KCNIP4: variants seen among roughly 807,000 people sequenced by gnomAD.
KCNIP4 encodes the protein Kv channel-interacting protein 4.
KCNIP4 carries 12 observed loss-of-function variants against 34.0 expected under a neutral mutation model. That is an observed-to-expected ratio of 0.35 (90% CI 0.23 to 0.57). KCNIP4 has a LOEUF of 0.57. KCNIP4 is among the 20% of genes least tolerant of loss of function. The probability of loss-of-function intolerance (pLI) is 0.83; values close to 1 mark genes in which losing one functional copy is unlikely to be tolerated. For synonymous variants in KCNIP4, 124 were observed against 102.2 expected (o/e 1.21, Z -1.29); for missense variants, 238 against 311.7 (o/e 0.76, Z 1.78).
chr4:21,459,207 C>T (rs978369635), intron 1 of KCNIP4, among the ~76,000 whole-genome samples: 1 of 151,956 alleles, frequency 6.6e-6, no homozygotes, highest in Non-Finnish European at 1.5e-5. Flanking sequence ...TGGCTTTCAC[C>T]TTTGTACTCA....
chr4:21,341,906 T>G (rs574176859), intron 1 of KCNIP4, among the ~76,000 whole-genome samples: 201 of 152,310 alleles, frequency 1.3e-3, no homozygotes, highest in Non-Finnish European at 1.4e-3. Flanking sequence ...GACTTGTTAC[T>G]TCAAACTGAA....
chr4:21,877,168 C>A (rs556485137), intron 1 of KCNIP4, among the ~76,000 whole-genome samples: 1 of 152,120 alleles, frequency 6.6e-6, no homozygotes, highest in African/African-American at 2.4e-5. Flanking sequence ...GCCTGACCAA[C>A]ATGGTGAAAC....
intron 1 of KCNIP4, among the ~76,000 whole-genome samples, chr4:21,181,290 G>T (rs1177701452): frequency 6.6e-6 from 1 of 152,038 alleles, no homozygotes; most frequent in East Asian, 1.9e-4. Flanking sequence ...TTGATTAAGT[G>T]TCCATGCTTG....
chr4:21,159,382 T>TTAGGTATTCAAATGAAAATTATTTAATTC (rs1577808067), intron 1 of KCNIP4, among the ~76,000 whole-genome samples: 23 of 82,302 alleles, frequency 2.8e-4, no homozygotes, highest in African/African-American at 3.2e-4. Flanking sequence ...ATACTAAAGA[T>TTAGGTATTCAAATGAAAATTATTTAATTC]ATGTTTGAGG....
chr4:21,508,046 T>C (rs1417292060), intron 1 of KCNIP4, among the ~76,000 whole-genome samples: 1 of 152,174 alleles, frequency 6.6e-6, no homozygotes, highest in Non-Finnish European at 1.5e-5. Context: ...AAATTTCTTT[T>C]CCAGTTACAC....
chr4:21,507,342 G>C (rs1052555893), intron 1 of KCNIP4, among the ~76,000 whole-genome samples: 2 of 151,062 alleles, frequency 1.3e-5, no homozygotes, highest in African/African-American at 4.9e-5. Context: ...TTGGCTCACT[G>C]CAACCTCCAC....
At chr4:20,747,536 A>G (rs546368160) in intron 5 of KCNIP4, among the ~76,000 whole-genome samples, 110 of 152,282 alleles carry the variant, frequency 7.2e-4, no homozygotes, top group Non-Finnish European at 1.0e-3. Flanking sequence ...TACCCAGGAT[A>G]GTCTTCCCCC....
chr4:21,290,336 T>G (rs1763363304), intron 1 of KCNIP4, among the ~76,000 whole-genome samples: 1 of 152,004 alleles, frequency 6.6e-6, no homozygotes, highest in African/African-American at 2.4e-5. Context: ...GGACTGCTTT[T>G]CTCCTCCTGG....
At chr4:20,884,992 C>T (rs992261072) in intron 1 of KCNIP4, among the ~76,000 whole-genome samples, 8 of 152,072 alleles carry the variant, frequency 5.3e-5, no homozygotes, top group Non-Finnish European at 8.8e-5. Flanking sequence ...TGAGCTACTG[C>T]GCCCAGCCCC....
intron 1 of KCNIP4, among the ~76,000 whole-genome samples, chr4:21,718,110 C>T (rs1356846592): frequency 2.0e-5 from 3 of 151,428 alleles, no homozygotes; most frequent in Non-Finnish European, 4.4e-5. Context: ...CACATTATCA[C>T]ATGACAGTGT....
chr4:20,940,609 A>C (rs921034761), intron 1 of KCNIP4, among the ~76,000 whole-genome samples: 7 of 152,146 alleles, frequency 4.6e-5, no homozygotes, highest in Admixed American at 3.3e-4. Context: ...AATTTCCTAT[A>C]AGGGATATTC....
chr4:21,047,050 C>T (rs1041948574), intron 1 of KCNIP4, among the ~76,000 whole-genome samples: 3 of 152,214 alleles, frequency 2.0e-5, no homozygotes, highest in African/African-American at 7.2e-5. Context: ...TCCATGGGTG[C>T]TTATTAATAA....
intron 1 of KCNIP4, among the ~76,000 whole-genome samples, chr4:21,589,904 T>C (rs1360856216): frequency 2.0e-5 from 3 of 152,016 alleles, no homozygotes; most frequent in South Asian, 4.1e-4. Context: ...TTGAATTTCA[T>C]AAGATGCTAG....
chr4:21,181,677 G>T (rs936930308), intron 1 of KCNIP4, among the ~76,000 whole-genome samples: 10 of 152,114 alleles, frequency 6.6e-5, no homozygotes, highest in Non-Finnish European at 7.4e-5. Flanking sequence ...AGAATCTGCA[G>T]AAGTTCTGAG....
intron 1 of KCNIP4, among the ~76,000 whole-genome samples, chr4:21,874,894 C>T (rs1441878335): frequency 3.3e-5 from 5 of 152,044 alleles, no homozygotes; most frequent in African/African-American, 7.2e-5. Flanking sequence ...GTGCCACATC[C>T]TCTGGGCTCA....
intron 1 of KCNIP4, among the ~76,000 whole-genome samples, chr4:21,412,255 C>T (rs1724573903): frequency 6.6e-6 from 1 of 152,248 alleles, no homozygotes; most frequent in Non-Finnish European, 1.5e-5. Context: ...CATGTTCTTA[C>T]CTAACCTGCT....
At chr4:20,826,303 T>G (rs530340642) in intron 3 of KCNIP4, among the ~76,000 whole-genome samples, 1 of 152,258 alleles carries the variant, frequency 6.6e-6, no homozygotes, top group South Asian at 2.1e-4. Context: ...CTCCGGCCAT[T>G]GTGGCTCACG....
chr4:21,886,370 C>T (rs1726763819), intron 1 of KCNIP4, among the ~76,000 whole-genome samples: 1 of 152,126 alleles, frequency 6.6e-6, no homozygotes, highest in African/African-American at 2.4e-5. Flanking sequence ...GCATTTTTCA[C>T]ACTACATCCT....
At chr4:21,819,975 G>A (rs910889106) in intron 1 of KCNIP4, among the ~76,000 whole-genome samples, 6 of 151,844 alleles carry the variant, frequency 4.0e-5, no homozygotes, top group Admixed American at 2.0e-4. Context: ...GATGGAAAGT[G>A]GCAAGATATT....
Sources: allele counts gnomAD v4.1 joint callset (sites outside exome capture counted in the v4.1 genomes callset), GRCh38; gene constraint gnomAD v4.1.1; transcripts MANE v1.5; gene names NCBI Gene and HGNC (gene_info 2026-07-23, HGNC 2026-07-21).